Variants in CHMP1A observed in about 807,000 individuals in gnomAD.
CHMP1A encodes VPS46 homolog A.
Under a neutral mutation model 27.0 loss-of-function variants are expected in CHMP1A, and 17 were observed. The observed-to-expected ratio is 0.63, with a 90% CI of 0.43 to 0.95. The LOEUF (loss-of-function observed/expected upper bound fraction) is 0.95. Among genes scored for constraint, CHMP1A ranks in the 40% least tolerant of loss-of-function variants. The probability of loss-of-function intolerance (pLI) is 0.00; values close to 1 mark genes in which losing one functional copy is unlikely to be tolerated. For missense variants in CHMP1A, 275 were observed against 264.0 expected, an observed-to-expected ratio of 1.04 and a Z score of -0.29; for synonymous variants, 131 against 107.5, an observed-to-expected ratio of 1.22 and a Z score of -1.35.
At chr16:89,655,366 CA>C (rs2059856307) in intron 1 of CHMP1A, among the ~76,000 whole-genome samples, 1 of 52,162 alleles carries the variant, frequency 1.9e-5, no homozygotes, top group Admixed American at 3.4e-4. Context: ...CTCCTCATCT[CA>C]GCTTTCCCTC....
chr16:89,652,663 C>T (rs1024653374), intron 2 of CHMP1A, among the ~76,000 whole-genome samples: 2 of 152,284 alleles, frequency 1.3e-5, no homozygotes, highest in Non-Finnish European at 2.9e-5. Flanking sequence ...ACCACAGCAC[C>T]ACAGGGTGCA....
chr16:89,655,677 G>A (rs1331741350), intron 1 of CHMP1A, among the ~76,000 whole-genome samples: 1 of 151,886 alleles, frequency 6.6e-6, no homozygotes, highest in African/African-American at 2.4e-5. Context: ...CCAGGCTAGA[G>A]TGCAACGGCA....
Position 89,649,454 on chromosome 16 carries a change from T to C in CHMP1A, c.149A>G (p.Glu50Gly). 6.2e-7 allele frequency: 1 copy of C among 1,613,724 alleles called. No individual in the cohort carries two copies. Among genetic ancestry groups the C allele is most frequent in the East Asian group, 2.2e-5 (1 of 44,866 alleles). ...TTCGTTCTTCTTGCGGATGGCGTTC[T>C]CGGCATACACACGGGCACACTCTAC... The part of the protein sequence containing the change: ...KNVECARVYA[E>G]NAIRKKNEGV... The change falls in exon 4 of 7, where the codon GAG becomes GGG. Residue 50 changes from glutamate to glycine, a missense_variant. Physicochemically the swap from Glu to Gly is moderately conservative, Grantham distance 98. Transcript: ENST00000397901.
intron 4 of CHMP1A, among the ~76,000 whole-genome samples, chr16:89,647,608 A>ACTGCTGTG: frequency 7.7e-6 from 1 of 130,052 alleles, no homozygotes; most frequent in Admixed American, 8.2e-5. Flanking sequence ...CGACGTGGAG[A>ACTGCTGTG]CCCAGTGCGG....
In CHMP1A at chr16:89,645,730, T is replaced by G. The variant is rs3751692; in HGVS notation, c.*336A>C. 0.024 allele frequency: 11,974 copies of G among 493,614 alleles called. 2,046 individuals carry two copies. The East Asian group carries it at 0.46, about 19-fold the overall frequency. 30.6% of individuals were successfully genotyped at this position (493,614 alleles called of 1,614,324 possible). Reference sequence around the variant, plus strand: ...GGCAGCCCTGACCCCCTCTGGCTGATGGGAAGCAGCATGTCTGCTGCCCCA... The same window carrying G: ...GGCAGCCCTGACCCCCTCTGGCTGAGGGGAAGCAGCATGTCTGCTGCCCCA... On this transcript the variant is annotated 3_prime_UTR_variant, in exon 7 of 7. Coordinates refer to ENST00000397901, the MANE Select transcript of CHMP1A (RefSeq NM_002768.5).
In CHMP1A at chr16:89,646,511, C is replaced by T. The variant is rs769359922; in HGVS notation, c.569+16G>A. 8.2e-5 allele frequency: 127 copies of T among 1,556,290 alleles called. No homozygotes were observed. The highest frequency in any genetic ancestry group is 1.0e-4 in the Non-Finnish European group (118 of 1,149,208). ...GCGTGGGGTTGGTGACACAGCGTTTCGGGGACCGACCCTACCTCCGTGACA... is the reference window on the plus strand; with the variant it reads ...GCGTGGGGTTGGTGACACAGCGTTTTGGGGACCGACCCTACCTCCGTGACA... On this transcript the variant is annotated intron_variant, in intron 6 of 6. Transcript: ENST00000397901.
chr16:89,649,467 G>A lies in CHMP1A; in HGVS notation c.136C>T (p.Arg46Cys), dbSNP rs201409761. Residue 46 changes from arginine (R) to cysteine (C), a missense_variant, in exon 4 of 7, where the codon CGT becomes TGT. By Grantham distance (180) the Arg-to-Cys change is radical (BLOSUM62 -3). Transcript: ENST00000397901. ...ALLQKNVECARVYAENAIRKK... is the reference protein window; with the variant it reads ...ALLQKNVECACVYAENAIRKK... ...CGGATGGCGTTCTCGGCATACACAC[G>A]GGCACACTCTACATTTTTCTGCAGA... The A allele has an allele frequency of 2.9e-5, 46 of 1,613,594 alleles. 1 individual carries two copies. The highest frequency in any genetic ancestry group is 3.3e-5 in the Admixed American group (2 of 59,992).
intron 2 of CHMP1A, among the ~76,000 whole-genome samples, chr16:89,652,748 C>T (rs1264030947): frequency 4.6e-5 from 7 of 152,208 alleles, no homozygotes; most frequent in Admixed American, 2.0e-4. Context: ...GGGAAAACAT[C>T]CCAAAGCTGC....
At position 89,657,650 on chromosome 16, in the gene CHMP1A, A is replaced by G. The variant is rs1568007616; in HGVS notation, c.-62T>C. 5 of 1,605,348 alleles carry G rather than the reference A, an allele frequency of 3.1e-6. No individual in the cohort carries two copies. In the East Asian group the frequency reaches 6.8e-5, roughly 22 times the overall value. On this transcript the variant is annotated 5_prime_UTR_variant, in exon 1 of 7. Transcript: ENST00000397901. ...AGGGACGCCAACTCCGGGCGGTGTC[A>G]GGTCCCGGCGGCGATCGAACCGACC...
chr16:89,649,940 A>C (rs966681616), intron 3 of CHMP1A, among the ~76,000 whole-genome samples: 14 of 151,856 alleles, frequency 9.2e-5, no homozygotes, highest in Admixed American at 9.2e-4. Flanking sequence ...TAAAAATGCA[A>C]ACACCCAGGC....
chr16:89,657,317 G>A (rs1465516398), intron 1 of CHMP1A, among the ~76,000 whole-genome samples: 1 of 150,440 alleles, frequency 6.6e-6, no homozygotes, highest in Non-Finnish European at 1.5e-5. Context: ...GGGTATCGGG[G>A]GACGAGGCTC....
chr16:89,646,039 G>C lies in CHMP1A; in HGVS notation c.*27C>G, dbSNP rs751510291. On this transcript the variant is annotated 3_prime_UTR_variant, in exon 7 of 7. Transcript: ENST00000397901. ...GAGCCTTCCAGCACATCACGGGGCA[G>C]AGGCGGTGCACACCGGCGGGGCACG... is the stretch of plus-strand genomic sequence containing the variant. The C allele has an allele frequency of 6.3e-7, 1 of 1,591,312 alleles. No individual in the cohort carries two copies. The highest frequency in any genetic ancestry group is 8.5e-7 in the Non-Finnish European group (1 of 1,169,884).
In CHMP1A at chr16:89,647,346, A is replaced by G; in HGVS notation, c.253-15T>C. ...TTCTTGGTCACCTGAGACAGGAGAG[A>G]GCGCAGGAGGGAACAGGATGAAAGG... On this transcript the variant is annotated splice_polypyrimidine_tract_variant and intron_variant, in intron 4 of 6. Coordinates refer to ENST00000397901, the MANE Select transcript of CHMP1A (RefSeq NM_002768.5). 6.2e-7 allele frequency: 1 copy of G among 1,601,096 alleles called. No homozygotes were observed. The highest frequency in any genetic ancestry group is 8.5e-7 in the Non-Finnish European group (1 of 1,170,204).
Position 89,645,645 on chromosome 16 carries a change from G to T in CHMP1A, c.*421C>A, listed in dbSNP as rs936995719. The T allele has an allele frequency of 1.0e-4, 34 of 326,924 alleles. No individual in the cohort carries two copies. The highest frequency in any genetic ancestry group is 7.1e-4 in the African/African-American group (32 of 44,838). The allele number at this position is 326,924 out of a possible 1,614,324, so 20.3% of individuals were successfully genotyped here. ...TCCTTGGGCTATGTCTGTCCACATG[G>T]TGGGACCTCCTGCCCGCTGAGGTGG... On this transcript the variant is annotated 3_prime_UTR_variant, in exon 7 of 7. Coordinates refer to ENST00000397901, the MANE Select transcript of CHMP1A (RefSeq NM_002768.5).
rs1490492311 is a variant in CHMP1A at position 89,651,629 on chromosome 16, C to T, written c.45G>A (p.Leu15=). ...TCTCCGCCTTCTTGGCCAGCTTCTC[C>T]AGCTGCTTCGCCGTGAACTGAGCGG... ...LFQLKFTAKQ[L]EKLAKKAEKD... is the part of the protein sequence containing the mutation. The change falls in exon 3 of 7, where the codon CTG becomes CTA. Residue 15 remains leucine, a synonymous_variant. Transcript: ENST00000397901. 5 of 1,613,606 alleles carry T rather than the reference C, an allele frequency of 3.1e-6. No individual in the cohort carries two copies. The Admixed American group carries it at 6.7e-5, about 22-fold the overall frequency.
chr16:89,649,099 G>C (rs2059804062), intron 4 of CHMP1A: 2 of 503,122 alleles, frequency 4.0e-6, no homozygotes, highest in South Asian at 3.4e-5. Context: ...TGCAAGCTCA[G>C]GGTGCAGCCT....
Position 89,651,589 on chromosome 16 carries a change from C to T in CHMP1A, c.85G>A (p.Glu29Lys). ...AKKAEKDSKA[E>K]QAKVKKALLQ... ...CTCACCTTCTTCACTTTGGCCTGCT[C>T]CGCCTTGGAGTCCTTCTCCGCCTTC... is the stretch of plus-strand genomic sequence containing the variant. The change falls in exon 3 of 7, where the codon GAG becomes AAG. Residue 29 changes from glutamate (E) to lysine (K), a missense_variant. Coordinates refer to ENST00000397901, the MANE Select transcript of CHMP1A (RefSeq NM_002768.5). 1 of 1,613,784 alleles carries T rather than the reference C, an allele frequency of 6.2e-7. No individual in the cohort carries two copies. The highest frequency in any genetic ancestry group is 8.5e-7 in the Non-Finnish European group (1 of 1,179,826).
In CHMP1A at chr16:89,646,563, C is replaced by A; in HGVS notation, c.533G>T (p.Ser178Ile). The change falls in exon 6 of 7, where the codon AGC becomes ATC. Residue 178 changes from serine (S) to isoleucine (I), a missense_variant. Transcript: ENST00000397901. ...LPEGASAVGESSVRSQEDQLS... is the reference protein window; with the variant it reads ...LPEGASAVGEISVRSQEDQLS... Reference sequence around the variant, plus strand: ...CTGGTCCTCCTGGCTGCGCACAGAGCTCTCGCCCACGGCAGAGGCGCCCTC... The same window carrying A: ...CTGGTCCTCCTGGCTGCGCACAGAGATCTCGCCCACGGCAGAGGCGCCCTC... 6.3e-7 allele frequency: 1 copy of A among 1,594,372 alleles called. No individual in the cohort carries two copies. The highest frequency in any genetic ancestry group is 8.5e-7 in the Non-Finnish European group (1 of 1,171,902).
chr16:89,655,039 G>A (rs1182196926), intron 1 of CHMP1A, among the ~76,000 whole-genome samples: 15 of 152,144 alleles, frequency 9.9e-5, no homozygotes, highest in Admixed American at 9.8e-4. Flanking sequence ...CCAGATTCCT[G>A]AAAGGGCTTT....
Sources: gnomAD v4.1 joint callset for allele counts (sites outside exome capture counted in the v4.1 genomes callset) on GRCh38, gnomAD v4.1.1 for gene constraint, MANE v1.5 for transcripts, NCBI Gene and HGNC (gene_info 2026-07-23, HGNC 2026-07-21) for gene names.